The following SAMD12 variants were observed in gnomAD, a reference collection of about 807,000 sequenced individuals.
SAMD12 encodes the protein sterile alpha motif domain-containing protein 12.
SAMD12 carries 9 observed loss-of-function variants against 15.0 expected under a neutral mutation model. The observed-to-expected ratio is 0.60, with a 90% CI of 0.36 to 1.05. The LOEUF is 1.05. SAMD12 is among the 50% of genes least tolerant of loss of function. The probability of loss-of-function intolerance (pLI) is 0.01; values close to 1 mark genes in which losing one functional copy is unlikely to be tolerated. For missense variants in SAMD12, 230 were observed against 234.2 expected (o/e 0.98, Z 0.12); for synonymous variants, 86 against 90.1 (o/e 0.96, Z 0.25).
At chr8:118,243,175 T>C (rs1048346860) in intron 4 of SAMD12, among the ~76,000 whole-genome samples, 28 of 152,276 alleles carry the variant, frequency 1.8e-4, no homozygotes, top group Middle Eastern at 3.4e-3. Context: ...GAAGCAGTGT[T>C]GAATAAAAAT....
At chr8:118,321,284 GT>G (rs1159280462) in intron 4 of SAMD12, among the ~76,000 whole-genome samples, 7 of 121,866 alleles carry the variant, frequency 5.7e-5, no homozygotes, top group South Asian at 5.6e-4. Flanking sequence ...GAAAAGAGGT[GT>G]TTTTTTTTTG....
At chr8:118,451,444 C>T (rs1373804544) in intron 2 of SAMD12, among the ~76,000 whole-genome samples, 1 of 152,182 alleles carries the variant, frequency 6.6e-6, no homozygotes, top group African/African-American at 2.4e-5. Flanking sequence ...GGTGCATTTC[C>T]TGCACTATAC....
intron 2 of SAMD12, among the ~76,000 whole-genome samples, chr8:118,467,054 G>C (rs1823615084): frequency 6.6e-6 from 1 of 152,132 alleles, no homozygotes; most frequent in African/African-American, 2.4e-5. Context: ...AGTCACAAAA[G>C]AGGATAACAG....
chr8:118,521,767 C>A (rs1287269097), intron 2 of SAMD12, among the ~76,000 whole-genome samples: 1 of 152,054 alleles, frequency 6.6e-6, no homozygotes, highest in Non-Finnish European at 1.5e-5. Flanking sequence ...TTCTTTCTTC[C>A]CAGGTAATTA....
chr8:118,395,932 CAAA>C (rs34761474), intron 3 of SAMD12, among the ~76,000 whole-genome samples: 1 of 129,210 alleles, frequency 7.7e-6, no homozygotes, highest in Non-Finnish European at 1.7e-5. Context: ...GACTCCATCT[CAAA>C]AAAAAAAAAA....
In SAMD12 at chr8:118,250,656, G is replaced by C. The variant is rs10098059; in HGVS notation, c.434-52924C>G. Among the ~76,000 whole-genome samples, 457 of 151,968 alleles carry C rather than the reference G, an allele frequency of 3.0e-3. 3 individuals are homozygous for C. The highest frequency in any genetic ancestry group is 0.011 in the African/African-American group (439 of 41,468). ...CCACAGGTGCCTGCCACCATGTCTG[G>C]CTAAATTTTTTATTTATTTATTTTT... On this transcript the variant is annotated intron_variant, in intron 4 of 4. Coordinates refer to the SAMD12 transcript ENST00000409003.
intron 2 of SAMD12, among the ~76,000 whole-genome samples, chr8:118,496,039 A>G (rs1824599360): frequency 6.6e-6 from 1 of 152,160 alleles, no homozygotes; most frequent in African/African-American, 2.4e-5. Context: ...AGAATGACAA[A>G]ACACTGCTGA....
chr8:118,463,626 G>A (rs779583358), intron 2 of SAMD12, among the ~76,000 whole-genome samples: 6 of 152,064 alleles, frequency 3.9e-5, no homozygotes, highest in Non-Finnish European at 5.9e-5. Context: ...CAAGTACCAC[G>A]TTACAAAATG....
At chr8:118,429,799 A>G (rs1002511480) in intron 3 of SAMD12, among the ~76,000 whole-genome samples, 6 of 151,974 alleles carry the variant, frequency 3.9e-5, no homozygotes, top group African/African-American at 1.2e-4. Flanking sequence ...GAGGCTGAGG[A>G]AGGAGAATCG....
intron 2 of SAMD12, among the ~76,000 whole-genome samples, chr8:118,571,652 C>T (rs1163857362): frequency 1.3e-5 from 2 of 152,196 alleles, no homozygotes; most frequent in South Asian, 2.1e-4. Flanking sequence ...AGAGCTTGGG[C>T]CGTCGCTTCA....
At position 118,537,843 on chromosome 8, in the gene SAMD12, T is replaced by G. The variant is rs890511455; in HGVS notation, c.192+42872A>C. On this transcript the variant is annotated intron_variant, in intron 2 of 3. Coordinates refer to ENST00000314727, the MANE Select transcript of SAMD12 (RefSeq NM_207506.3). ...TCCTTTTGTTGAGGTAATGTTTTCC[T>G]GGATTACACTGATGCTTGTCAGTGT... 2.0e-5 allele frequency among the ~76,000 whole-genome samples: 3 copies of G among 152,196 alleles called. No homozygotes were observed. In the East Asian group the frequency reaches 5.8e-4, roughly 29 times the overall value.
At chr8:118,280,160 G>T (rs1813581566) in intron 4 of SAMD12, among the ~76,000 whole-genome samples, 1 of 152,180 alleles carries the variant, frequency 6.6e-6, no homozygotes, top group Non-Finnish European at 1.5e-5. Flanking sequence ...AACACCAGTA[G>T]CCATAACATT....
chr8:118,370,408 C>G (rs1819028272), intron 4 of SAMD12, among the ~76,000 whole-genome samples: 1 of 152,110 alleles, frequency 6.6e-6, no homozygotes, highest in Non-Finnish European at 1.5e-5. Context: ...TGGAAATATC[C>G]TTTGCCCCAG....
chr8:118,312,829 T>C (rs1216697902), intron 4 of SAMD12, among the ~76,000 whole-genome samples: 1 of 152,224 alleles, frequency 6.6e-6, no homozygotes, highest in Non-Finnish European at 1.5e-5. Context: ...TTCAAAGGGC[T>C]AACTTCAAAA....
At chr8:118,509,438 T>A (rs1268446575) in intron 2 of SAMD12, among the ~76,000 whole-genome samples, 1 of 152,170 alleles carries the variant, frequency 6.6e-6, no homozygotes, top group Non-Finnish European at 1.5e-5. Context: ...GAGGGTTTCA[T>A]AAACCACTTC....
chr8:118,381,119 G>A (rs1406878366), intron 3 of SAMD12, among the ~76,000 whole-genome samples: 1 of 152,192 alleles, frequency 6.6e-6, no homozygotes, highest in Non-Finnish European at 1.5e-5. Flanking sequence ...CTCCCAACAT[G>A]TGCCCAGAAG....
intron 4 of SAMD12, among the ~76,000 whole-genome samples, chr8:118,318,327 T>TATATATATAC (rs1816038837): frequency 2.9e-4 from 10 of 35,056 alleles, no homozygotes; most frequent in Non-Finnish European, 8.4e-4. Context: ...TATATATATA[T>TATATATATAC]ATATATATAT....
chr8:118,464,329 G>A (rs1823522268), intron 2 of SAMD12, among the ~76,000 whole-genome samples: 1 of 152,134 alleles, frequency 6.6e-6, no homozygotes, highest in South Asian at 2.1e-4. Context: ...GAAATGGCAG[G>A]GGCAGAGTGA....
At position 118,619,698 on chromosome 8, in the gene SAMD12, G is replaced by A. The variant is rs554007876; in HGVS notation, c.13+2106C>T. On this transcript the variant is annotated intron_variant, in intron 1 of 3. Transcript: ENST00000314727. ...TAAAGTCCAAGTCTAACCCCCAAGG[G>A]GGTTAGAGTCTAGTAAGAGGCAGAT... Among the ~76,000 whole-genome samples the A allele has an allele frequency of 1.2e-4, 18 of 152,194 alleles. No individual in the cohort carries two copies. In the East Asian group the frequency reaches 2.9e-3, roughly 25 times the overall value.
Sources: allele counts gnomAD v4.1 joint callset (sites outside exome capture counted in the v4.1 genomes callset), GRCh38; gene constraint gnomAD v4.1.1; transcripts MANE v1.5; gene names NCBI Gene and HGNC (gene_info 2026-07-23, HGNC 2026-07-21).